RYR2: variants seen among roughly 807,000 people sequenced by gnomAD.
RYR2 encodes ryanodine receptor 2, also known as cardiac muscle ryanodine receptor-calcium release channel.
RYR2 carries 227 observed loss-of-function variants against 601.1 expected under a neutral mutation model. That is an observed-to-expected ratio of 0.38 (90% CI 0.34 to 0.42). RYR2 has a LOEUF of 0.42. Among genes scored for constraint, RYR2 ranks in the 10% least tolerant of loss-of-function variants. The pLI, the probability that RYR2 is intolerant of heterozygous loss-of-function variation, is 1.00. For missense variants in RYR2, 4,646 were observed against 6,156.5 expected (o/e 0.75, Z 8.21); for synonymous variants, 2,223 against 2,175.1 (o/e 1.02, Z -0.61).
chr1:237,515,645 C>CT (rs1666354066), intron 24 of RYR2, among the ~76,000 whole-genome samples: 1 of 63,612 alleles, frequency 1.6e-5, no homozygotes, highest in African/African-American at 5.8e-5. Context: ...CATCACCCAC[C>CT]CCTTCCCTCC....
chr1:237,658,775 C>A (rs1683488686), intron 54 of RYR2, among the ~76,000 whole-genome samples: 1 of 152,128 alleles, frequency 6.6e-6, no homozygotes, highest in Admixed American at 6.5e-5. Flanking sequence ...TTTACCTTTT[C>A]TATTCTTCTG....
chr1:237,565,564 G>A (rs1671978902), intron 27 of RYR2, among the ~76,000 whole-genome samples: 1 of 152,120 alleles, frequency 6.6e-6, no homozygotes, highest in Non-Finnish European at 1.5e-5. Context: ...CATTTAACCA[G>A]TAACTAGTAA....
intron 100 of RYR2, among the ~76,000 whole-genome samples, chr1:237,812,699 ATACT>A (rs1488185696): frequency 5.9e-5 from 9 of 152,108 alleles, no homozygotes; most frequent in East Asian, 3.9e-4. Context: ...CTGAGATGTA[ATACT>A]TACTTACATT....
At chr1:237,807,967 A>T (rs1660827001) in intron 99 of RYR2, among the ~76,000 whole-genome samples, 1 of 152,214 alleles carries the variant, frequency 6.6e-6, no homozygotes, top group South Asian at 2.1e-4. Context: ...CATTTTTAGC[A>T]TATACATATT....
intron 19 of RYR2, among the ~76,000 whole-genome samples, chr1:237,493,597 T>G (rs910635796): frequency 6.6e-6 from 1 of 151,860 alleles, no homozygotes; most frequent in Non-Finnish European, 1.5e-5. Flanking sequence ...GGACTACAGG[T>G]GCCCGCCACC....
intron 1 of RYR2, among the ~76,000 whole-genome samples, chr1:237,233,804 G>A (rs1292935554): frequency 6.6e-6 from 1 of 151,840 alleles, no homozygotes; most frequent in East Asian, 1.9e-4. Flanking sequence ...ACAGGCATGC[G>A]CCACCACACC....
At chr1:237,353,216 A>T (rs566325833) in intron 3 of RYR2, among the ~76,000 whole-genome samples, 1 of 151,824 alleles carries the variant, frequency 6.6e-6, no homozygotes, top group South Asian at 2.1e-4. Flanking sequence ...TTTTTAAAAA[A>T]GTTTATGGAA....
chr1:237,379,729 C>G (rs1265286556), intron 8 of RYR2, among the ~76,000 whole-genome samples: 1 of 152,158 alleles, frequency 6.6e-6, no homozygotes, highest in Non-Finnish European at 1.5e-5. Flanking sequence ...CTATTCTCCC[C>G]AGTCAGCCTC....
intron 80 of RYR2, 85 bp downstream of exon 80, chr1:237,742,434 T>C: frequency 9.7e-7 from 1 of 1,029,352 alleles, no homozygotes; most frequent in Non-Finnish European, 1.5e-6. Flanking sequence ...TGTTTCTTGC[T>C]TCATGGCTTA....
At chr1:237,645,021 C>T (rs573224420) in intron 48 of RYR2, among the ~76,000 whole-genome samples, 8 of 152,160 alleles carry the variant, frequency 5.3e-5, no homozygotes, top group Admixed American at 2.6e-4. Context: ...AGTGAAAGAG[C>T]GAAACTCTGT....
At chr1:237,550,781 G>T in intron 27 of RYR2, 90 bp downstream of exon 27, 3 of 1,332,270 alleles carry the variant, frequency 2.3e-6, no homozygotes, top group Non-Finnish European at 2.0e-6. Flanking sequence ...GGGAGTACTG[G>T]ATAGAGTCCT....
At chr1:237,547,732 C>T (rs537418073) in intron 25 of RYR2, among the ~76,000 whole-genome samples, 29 of 152,304 alleles carry the variant, frequency 1.9e-4, no homozygotes, top group East Asian at 7.7e-4. Context: ...TTTCTTCCAA[C>T]GATTACAACT....
At chr1:237,702,870 A>G (rs1688078537) in intron 66 of RYR2, among the ~76,000 whole-genome samples, 1 of 152,104 alleles carries the variant, frequency 6.6e-6, no homozygotes, top group Admixed American at 6.5e-5. Context: ...ACAGTTGTAC[A>G]TAAAAATAGC....
intron 80 of RYR2, among the ~76,000 whole-genome samples, chr1:237,751,677 C>T (rs1692544210): frequency 1.3e-5 from 2 of 152,182 alleles, no homozygotes; most frequent in Non-Finnish European, 2.9e-5. Context: ...ATTACTTGAC[C>T]CTGGTTTAGT....
chr1:237,823,974 A>G (rs1253416946), intron 101 of RYR2, among the ~76,000 whole-genome samples: 1 of 152,184 alleles, frequency 6.6e-6, no homozygotes, highest in Non-Finnish European at 1.5e-5. Context: ...CCAAGACTAA[A>G]CCAGGAAGAA....
chr1:237,677,560 C>A (rs572380003), intron 60 of RYR2, among the ~76,000 whole-genome samples: 5 of 152,242 alleles, frequency 3.3e-5, no homozygotes, highest in African/African-American at 1.2e-4. Context: ...TCCTGACTTC[C>A]TGCAGTTTTT....
chr1:237,508,343 T>A (rs374237104), intron 23 of RYR2, among the ~76,000 whole-genome samples: 1 of 152,082 alleles, frequency 6.6e-6, no homozygotes, highest in African/African-American at 2.4e-5. Context: ...GGAAGAGAGA[T>A]GCTACAAATG....
intron 17 of RYR2, among the ~76,000 whole-genome samples, chr1:237,488,578 C>G (rs2997973): frequency 0.28 from 42,613 of 152,036 alleles, 6,065 homozygotes; most frequent in South Asian, 0.41. Context: ...TGTACATCCA[C>G]ATGGCCTGAA....
Position 237,461,512 on chromosome 1 carries a change from G to A in RYR2, c.1612+4777G>A, listed in dbSNP as rs575286387. ...TCTGTATTGCGTTCTTTTAATTCTT[G>A]GTCCGGTCTGTCCCTTCTTTTCACC... On this transcript the variant is annotated intron_variant, in intron 16 of 104. Transcript: ENST00000366574. Among the ~76,000 whole-genome samples, 4 of 152,118 alleles carry A rather than the reference G, an allele frequency of 2.6e-5. No individual in the cohort carries two copies. In the South Asian group the frequency reaches 6.2e-4, roughly 24 times the overall value.
Sources: gnomAD v4.1 joint callset for allele counts (sites outside exome capture counted in the v4.1 genomes callset) on GRCh38, gnomAD v4.1.1 for gene constraint, MANE v1.5 for transcripts, NCBI Gene and HGNC (gene_info 2026-07-23, HGNC 2026-07-21) for gene names.